Variants in FHIT observed in about 807,000 individuals in gnomAD.
The protein encoded by FHIT is fragile histidine triad diadenosine triphosphatase.
A neutral mutation model predicts 17.9 loss-of-function variants in FHIT; 19 were observed. The observed-to-expected ratio is 1.06, with a 90% CI of 0.74 to 1.56. The LOEUF is 1.56. Among genes scored for constraint, FHIT ranks in the 40% most tolerant of loss-of-function variants. FHIT has a pLI of 0.00. For synonymous variants in FHIT, 81 were observed against 69.7 expected (o/e 1.16, Z -0.81); for missense variants, 248 against 189.2 (o/e 1.31, Z -1.82).
intron 4 of FHIT, among the ~76,000 whole-genome samples, chr3:60,744,246 T>TAAAAAA (rs368982395): frequency 6.1e-4 from 19 of 30,900 alleles, no homozygotes; most frequent in Admixed American, 7.2e-4. Flanking sequence ...GGAAGTAATG[T>TAAAAAA]AAAAAAAAAA....
intron 5 of FHIT, among the ~76,000 whole-genome samples, chr3:60,182,316 A>G (rs747736201): frequency 5.9e-5 from 9 of 152,192 alleles, no homozygotes; most frequent in Non-Finnish European, 1.2e-4. Flanking sequence ...GGCAGCATCA[A>G]CTGTTCTCAC....
chr3:61,151,822 A>G (rs1408991300), intron 2 of FHIT, among the ~76,000 whole-genome samples: 1 of 151,388 alleles, frequency 6.6e-6, no homozygotes, highest in Non-Finnish European at 1.5e-5. Context: ...AGAAAATAAA[A>G]CCCGCCCACC....
chr3:59,841,004 T>C (rs1575575469), intron 8 of FHIT, among the ~76,000 whole-genome samples: 1 of 152,182 alleles, frequency 6.6e-6, no homozygotes, highest in Non-Finnish European at 1.5e-5. Flanking sequence ...GAACCAATGG[T>C]GCCCTCACTT....
rs56094072 is a variant in FHIT, at chr3:60,571,335, CAAAAAAAAAA to C, written c.-17-34366_-17-34357del. Among the ~76,000 whole-genome samples the C allele has an allele frequency of 5.1e-4, 28 of 54,670 alleles. 1 individual carries two copies. Among genetic ancestry groups the C allele is most frequent in the East Asian group, 9.9e-4 (2 of 2,020 alleles). The allele number at this position is 54,670 out of a possible 152,430, so 35.9% of individuals were successfully genotyped here. A position where few individuals can be genotyped will look rare whatever the true frequency, so the allele number is the denominator to read the frequency against. On this transcript the variant is annotated intron_variant, in intron 4 of 9. Coordinates refer to ENST00000492590, the MANE Select transcript of FHIT (RefSeq NM_002012.4). Reference sequence around the variant, plus strand: ...TGGGCAACAGGGCAAGACTCCATCGCAAAAAAAAAAAAAAAAAAAAAAAAAAAAGAACAAT... The same window carrying C: ...TGGGCAACAGGGCAAGACTCCATCGCAAAAAAAAAAAAAAAAAAGAACAAT...
rs1341132719 is a variant in FHIT, at chr3:60,910,454, T to C, written c.-110-88443A>G. Reference sequence around the variant, plus strand: ...CCAGACGGAGTCTCGCTTTGTCGCCTAGGCTGGAGTGCAGTGGCGCAATCT... The same window carrying C: ...CCAGACGGAGTCTCGCTTTGTCGCCCAGGCTGGAGTGCAGTGGCGCAATCT... On this transcript the variant is annotated intron_variant, in intron 3 of 9. Coordinates refer to ENST00000492590, the MANE Select transcript of FHIT (RefSeq NM_002012.4). Among the ~76,000 whole-genome samples the C allele has an allele frequency of 1.0e-4, 15 of 149,586 alleles. 1 individual carries two copies. The highest frequency in any genetic ancestry group is 5.4e-4 in the Admixed American group (8 of 14,948).
In FHIT at chr3:60,469,414, T is replaced by C. The variant is rs933955876; in HGVS notation, c.103+67446A>G. ...TGTCTTCAAGCTCACTAATTCTTTG[T>C]TTTGCTTATTTCTGCTATTAACAGA... On this transcript the variant is annotated intron_variant, in intron 5 of 9. Coordinates refer to ENST00000492590, the MANE Select transcript of FHIT (RefSeq NM_002012.4). 2.6e-5 allele frequency among the ~76,000 whole-genome samples: 4 copies of C among 152,196 alleles called. 1 individual carries two copies. Among genetic ancestry groups the C allele is most frequent in the Non-Finnish European group, 5.9e-5 (4 of 68,032 alleles).
At chr3:60,418,427 CGT>C (rs1559897417) in intron 5 of FHIT, among the ~76,000 whole-genome samples, 1 of 15,954 alleles carries the variant, frequency 6.3e-5, no homozygotes, top group African/African-American at 2.1e-4. Context: ...TATATATATA[CGT>C]GTATACACAC....
At chr3:60,772,468 T>C (rs1195755527) in intron 4 of FHIT, among the ~76,000 whole-genome samples, 1 of 152,064 alleles carries the variant, frequency 6.6e-6, no homozygotes, top group African/African-American at 2.4e-5. Flanking sequence ...ATTGACATCA[T>C]CTTTATAAAT....
chr3:59,966,677 G>T (rs1033146388), intron 7 of FHIT, among the ~76,000 whole-genome samples: 1 of 152,106 alleles, frequency 6.6e-6, no homozygotes, highest in Non-Finnish European at 1.5e-5. Context: ...TGGTATAAAA[G>T]ATAAGAAATA....
At chr3:59,888,443 A>G (rs945705826) in intron 8 of FHIT, among the ~76,000 whole-genome samples, 1 of 152,226 alleles carries the variant, frequency 6.6e-6, no homozygotes, top group African/African-American at 2.4e-5. Flanking sequence ...AAGGCAAAGC[A>G]ATGATGCAAG....
rs147243268 is a variant in FHIT at position 60,293,747 on chromosome 3, T to G, written c.103+243113A>C. Among the ~76,000 whole-genome samples the G allele has an allele frequency of 5.7e-3, 866 of 152,178 alleles. 10 individuals are homozygous for G. The highest frequency in any genetic ancestry group is 0.02 in the African/African-American group (822 of 41,524). ...ACAGTGCCCACTGGACAAAACCACT[T>G]TAGATAAAGAGGAATGGCAAATTTA... On this transcript the variant is annotated intron_variant, in intron 5 of 9. Transcript: ENST00000492590.
At chr3:59,754,409 G>A (rs1369572454) in intron 8 of FHIT, among the ~76,000 whole-genome samples, 1 of 152,216 alleles carries the variant, frequency 6.6e-6, no homozygotes, top group Non-Finnish European at 1.5e-5. Context: ...ACATGCTGCA[G>A]TTGCTACAGG....
intron 4 of FHIT, among the ~76,000 whole-genome samples, chr3:60,637,052 G>T (rs558542536): frequency 1.3e-5 from 2 of 152,230 alleles, no homozygotes; most frequent in South Asian, 4.2e-4. Context: ...CAGCACCAGG[G>T]ATAGAGAGAG....
Position 61,236,919 on chromosome 3 carries a change from C to T in FHIT, c.-213+14382G>A, listed in dbSNP as rs115586050. 8.1e-3 allele frequency among the ~76,000 whole-genome samples: 1,229 copies of T among 152,256 alleles called. 18 individuals are homozygous for T. Among genetic ancestry groups the T allele is most frequent in the African/African-American group, 0.028 (1,167 of 41,540 alleles). ...GAACCCACAATGAAGACAGGAAGCA[C>T]CCATGCCCTTACATGATCTACCTAG... On this transcript the variant is annotated intron_variant, in intron 1 of 9. Transcript: ENST00000492590.
chr3:61,124,803 G>C (rs2036561525), intron 2 of FHIT, among the ~76,000 whole-genome samples: 1 of 152,104 alleles, frequency 6.6e-6, no homozygotes, highest in Admixed American at 6.6e-5. Flanking sequence ...ATCCATCTGT[G>C]CAGTTACTCT....
rs552715403 is a variant in FHIT, at chr3:60,840,951, C to T, written c.-110-18940G>A. ...TGAGTTAGTATCATCTTATCATGTA[C>T]ATTTTGCTTGATAATAGAAAAGCAA... On this transcript the variant is annotated intron_variant, in intron 3 of 9. Transcript: ENST00000492590. Among the ~76,000 whole-genome samples, 5 of 152,274 alleles carry T rather than the reference C, an allele frequency of 3.3e-5. 1 individual carries two copies. Among genetic ancestry groups the T allele is most frequent in the African/African-American group, 9.6e-5 (4 of 41,572 alleles).
chr3:60,650,620 C>T (rs1465091683), intron 4 of FHIT, among the ~76,000 whole-genome samples: 1 of 152,052 alleles, frequency 6.6e-6, no homozygotes, highest in Non-Finnish European at 1.5e-5. Flanking sequence ...TTAGCTTTTC[C>T]AAATGCATGA....
intron 8 of FHIT, among the ~76,000 whole-genome samples, chr3:59,890,108 T>C (rs1703791953): frequency 6.6e-6 from 1 of 152,222 alleles, no homozygotes; most frequent in Non-Finnish European, 1.5e-5. Flanking sequence ...GATGGGATGA[T>C]ATTAACTATC....
At chr3:59,802,238 G>T (rs933684643) in intron 8 of FHIT, among the ~76,000 whole-genome samples, 5 of 151,850 alleles carry the variant, frequency 3.3e-5, no homozygotes, top group African/African-American at 1.2e-4. Flanking sequence ...ATAATTAACT[G>T]TAGCCAAAGC....
Sources: gnomAD v4.1 joint callset for allele counts (sites outside exome capture counted in the v4.1 genomes callset) on GRCh38, gnomAD v4.1.1 for gene constraint, MANE v1.5 for transcripts, NCBI Gene and HGNC (gene_info 2026-07-23, HGNC 2026-07-21) for gene names.